SOX6: variants seen among roughly 807,000 people sequenced by gnomAD.
SOX6 encodes the protein SRY-box transcription factor 6.
Under a neutral mutation model 97.8 loss-of-function variants are expected in SOX6, and 11 were observed. That is an observed-to-expected ratio of 0.11 (90% CI 0.07 to 0.19). The LOEUF (loss-of-function observed/expected upper bound fraction) is 0.19. Among genes scored for constraint, SOX6 ranks in the 10% least tolerant of loss-of-function variants. SOX6 has a pLI of 1.00. For synonymous variants in SOX6, 360 were observed against 371.4 expected, an observed-to-expected ratio of 0.97 and a Z score of 0.35; for missense variants, 810 against 1,039.5, an observed-to-expected ratio of 0.78 and a Z score of 3.04.
chr11:16,507,968 T>G (rs1665865255), intron 4 of SOX6, among the ~76,000 whole-genome samples: 1 of 152,048 alleles, frequency 6.6e-6, no homozygotes, highest in Admixed American at 6.6e-5. Flanking sequence ...GGAGAAAATA[T>G]TTGTAAACTA....
intron 3 of SOX6, among the ~76,000 whole-genome samples, chr11:16,681,286 G>C (rs1230266224): frequency 6.6e-6 from 1 of 152,154 alleles, no homozygotes; most frequent in Non-Finnish European, 1.5e-5. Flanking sequence ...AATCAAATGA[G>C]AACTCAGGAT....
chr11:16,195,257 G>A (rs562002826), intron 4 of SOX6, among the ~76,000 whole-genome samples: 2 of 152,252 alleles, frequency 1.3e-5, no homozygotes, highest in East Asian at 3.9e-4. Flanking sequence ...GAGACAGAAA[G>A]TAATTTGACC....
At chr11:16,214,456 T>C (rs1387967994) in intron 4 of SOX6, among the ~76,000 whole-genome samples, 1 of 152,186 alleles carries the variant, frequency 6.6e-6, no homozygotes, top group East Asian at 1.9e-4. Context: ...TGACACTTGT[T>C]ATCTAATGCA....
At chr11:16,130,179 C>T (rs191380643) in intron 6 of SOX6, among the ~76,000 whole-genome samples, 4 of 151,928 alleles carry the variant, frequency 2.6e-5, no homozygotes, top group South Asian at 4.2e-4. Flanking sequence ...AAAATTATAA[C>T]TCCATTTACA....
chr11:16,412,956 G>A (rs1363159947), intron 1 of SOX6, among the ~76,000 whole-genome samples: 1 of 152,066 alleles, frequency 6.6e-6, no homozygotes, highest in Non-Finnish European at 1.5e-5. Context: ...TGACGTGGGA[G>A]GAAAAAGGCA....
intron 2 of SOX6, among the ~76,000 whole-genome samples, chr11:16,328,770 C>A (rs1020280480): frequency 6.6e-6 from 1 of 152,050 alleles, no homozygotes; most frequent in African/African-American, 2.4e-5. Context: ...CCAATAACTT[C>A]TTGCTAACAA....
At chr11:16,089,355 A>AT (rs1454184168) in intron 9 of SOX6, among the ~76,000 whole-genome samples, 1 of 152,152 alleles carries the variant, frequency 6.6e-6, no homozygotes, top group Non-Finnish European at 1.5e-5. Context: ...GTCACCAATT[A>AT]TAAGAGAAGA....
intron 2 of SOX6, among the ~76,000 whole-genome samples, chr11:16,733,978 G>T (rs184426216): frequency 6.9e-6 from 1 of 145,476 alleles, no homozygotes; most frequent in East Asian, 2.1e-4. Context: ...AGTGACCCAA[G>T]ATCGTGCCAC....
At chr11:16,655,882 T>C (rs1220902763) in intron 3 of SOX6, among the ~76,000 whole-genome samples, 1 of 151,860 alleles carries the variant, frequency 6.6e-6, no homozygotes, top group Non-Finnish European at 1.5e-5. Context: ...GGCAGGAGGA[T>C]CACTTGAGCC....
intron 3 of SOX6, among the ~76,000 whole-genome samples, chr11:16,658,491 G>A (rs1001228152): frequency 9.9e-5 from 15 of 150,984 alleles, no homozygotes; most frequent in African/African-American, 3.1e-4. Context: ...GGCAGATCAC[G>A]AGGTCAGAAG....
intron 4 of SOX6, among the ~76,000 whole-genome samples, chr11:16,589,882 C>T (rs956622205): frequency 4.6e-5 from 7 of 152,100 alleles, no homozygotes; most frequent in Non-Finnish European, 8.8e-5. Context: ...TACAAAATTT[C>T]ACCAAACATA....
At chr11:16,487,134 T>C (rs921212599) in intron 4 of SOX6, among the ~76,000 whole-genome samples, 10 of 152,138 alleles carry the variant, frequency 6.6e-5, no homozygotes, top group African/African-American at 2.4e-4. Flanking sequence ...GTAAAATGTC[T>C]TATTTTACAG....
intron 1 of SOX6, among the ~76,000 whole-genome samples, chr11:16,406,124 C>G (rs72871358): frequency 0.054 from 8,136 of 152,062 alleles, 282 homozygotes; most frequent in Non-Finnish European, 0.082. Context: ...GAATTCCGCA[C>G]AGAGGAAACA....
chr11:16,581,668 T>TA (rs1285213789), intron 4 of SOX6, among the ~76,000 whole-genome samples: 8 of 151,882 alleles, frequency 5.3e-5, no homozygotes, highest in African/African-American at 1.9e-4. Context: ...TAGGCAGCCA[T>TA]AAAAATGAAT....
chr11:16,685,865 G>A (rs1343403740), intron 3 of SOX6, among the ~76,000 whole-genome samples: 1 of 152,252 alleles, frequency 6.6e-6, no homozygotes, highest in Non-Finnish European at 1.5e-5. Flanking sequence ...TACATTCTCT[G>A]AAATCTTGGT....
At chr11:16,222,155 C>T (rs1202395039) in intron 4 of SOX6, among the ~76,000 whole-genome samples, 5 of 152,058 alleles carry the variant, frequency 3.3e-5, no homozygotes, top group African/African-American at 9.7e-5. Flanking sequence ...TTAACCCATA[C>T]ATTAAAGAGA....
At chr11:16,069,525 C>T (rs543965298) in intron 9 of SOX6, among the ~76,000 whole-genome samples, 20 of 152,106 alleles carry the variant, frequency 1.3e-4, no homozygotes, top group African/African-American at 4.8e-4. Context: ...CTTTGGGCAC[C>T]GTAGGATAAT....
chr11:16,615,580 T>G (rs1483410442), intron 3 of SOX6, among the ~76,000 whole-genome samples: 1 of 152,162 alleles, frequency 6.6e-6, no homozygotes, highest in Non-Finnish European at 1.5e-5. Flanking sequence ...ATAAACAGAA[T>G]ATTGAATGGC....
intron 3 of SOX6, among the ~76,000 whole-genome samples, chr11:16,680,999 C>T (rs1371897311): frequency 6.6e-6 from 1 of 152,126 alleles, no homozygotes; most frequent in Admixed American, 6.5e-5. Context: ...GACTCCCACA[C>T]AATAATACTG....
Sources: gnomAD v4.1 joint callset for allele counts (sites outside exome capture counted in the v4.1 genomes callset) on GRCh38, gnomAD v4.1.1 for gene constraint, MANE v1.5 for transcripts, NCBI Gene and HGNC (gene_info 2026-07-23, HGNC 2026-07-21) for gene names.